MAGI3: variants seen among roughly 807,000 people sequenced by gnomAD.
The protein encoded by MAGI3 is membrane-associated guanylate kinase, WW and PDZ domain-containing protein 3.
In MAGI3, 43 loss-of-function variants were observed where a neutral mutation model predicts 121.8. That is an observed-to-expected ratio of 0.35 (90% confidence interval 0.28 to 0.46). MAGI3 has a LOEUF of 0.46. MAGI3 is among the 20% of genes least tolerant of loss of function. MAGI3 has a pLI of 1.00. For missense variants in MAGI3, 1,547 were observed against 1,797.3 expected (o/e 0.86, Z 2.52); for synonymous variants, 553 against 639.3 (o/e 0.86, Z 2.04).
chr1:113,597,659 C>T (rs766526020), intron 6 of MAGI3, among the ~76,000 whole-genome samples: 3 of 152,148 alleles, frequency 2.0e-5, no homozygotes, highest in Non-Finnish European at 4.4e-5. Flanking sequence ...AGTACACTGA[C>T]GCTCAGCAGA....
intron 20 of MAGI3, chr1:113,682,181 T>C: frequency 6.7e-7 from 1 of 1,487,800 alleles, no homozygotes; most frequent in Admixed American, 2.2e-5. Context: ...TTTTTTCACA[T>C]AGTCCTAGGC....
chr1:113,587,256 G>GGT (rs1557837974), intron 4 of MAGI3, among the ~76,000 whole-genome samples: 1 of 152,148 alleles, frequency 6.6e-6, no homozygotes, highest in Non-Finnish European at 1.5e-5. Context: ...GGAGTGCAGT[G>GGT]GTGCGATCTT....
intron 19 of MAGI3, 49 bp downstream of exon 19, chr1:113,673,514 A>T (rs1240621506): frequency 1.3e-6 from 2 of 1,555,492 alleles, no homozygotes; most frequent in African/African-American, 2.8e-5. Context: ...TAGACTAGAA[A>T]CTTCGAAAGA....
At chr1:113,393,615 A>AACAGACTT (rs765712625) in intron 1 of MAGI3, among the ~76,000 whole-genome samples, 1 of 152,216 alleles carries the variant, frequency 6.6e-6, no homozygotes, top group Non-Finnish European at 1.5e-5. Context: ...TTGCAGGTTA[A>AACAGACTT]ACAGACTTTA....
chr1:113,437,447 C>T (rs1182982114), intron 1 of MAGI3, among the ~76,000 whole-genome samples: 2 of 151,864 alleles, frequency 1.3e-5, no homozygotes, highest in Non-Finnish European at 2.9e-5. Context: ...ATCTCATTAT[C>T]TTATAAGTAA....
Position 113,619,569 on chromosome 1 carries a change from G to T in MAGI3, c.1077-167G>T, listed in dbSNP as rs4839332. The stretch of plus-strand genomic sequence containing the variant: ...GGCATCTTCTGCAGGACTTTATTTA[G>T]CAGCAGAAAGCCCCTCTGCTATCAT... On this transcript the variant is annotated intron_variant, in intron 7 of 20. Coordinates refer to ENST00000307546, the MANE Select transcript of MAGI3 (RefSeq NM_001142782.2). Among the ~76,000 whole-genome samples, 15,693 of 152,182 alleles carry T rather than the reference G, an allele frequency of 0.1. 1,035 individuals carry two copies. The highest frequency in any genetic ancestry group is 0.19 in the East Asian group (971 of 5,182).
At chr1:113,639,141 CT>C (rs1402504334) in intron 9 of MAGI3, among the ~76,000 whole-genome samples, 3 of 152,170 alleles carry the variant, frequency 2.0e-5, no homozygotes, top group South Asian at 2.1e-4. Context: ...TCTGTCACCC[CT>C]TTCTTTGACT....
At chr1:113,554,603 T>C (rs1659913115) in intron 2 of MAGI3, among the ~76,000 whole-genome samples, 1 of 151,858 alleles carries the variant, frequency 6.6e-6, no homozygotes, top group Admixed American at 6.6e-5. Flanking sequence ...TTTTCAGACA[T>C]TGAAATACAG....
rs983248945 is a variant in MAGI3 at position 113,658,929 on chromosome 1, T to C, written c.2630-151T>C. 25 of 666,990 alleles carry C rather than the reference T, an allele frequency of 3.7e-5. No homozygotes were observed. The Admixed American group carries it at 6.9e-4, about 18-fold the overall frequency. 41.3% of individuals were successfully genotyped at this position (666,990 alleles called of 1,614,324 possible). A position where few individuals can be genotyped will look rare whatever the true frequency, so the allele number is the denominator to read the frequency against. ...GTGAGAAGTATGAAAATAGTTCCGT[T>C]TGGATGCGATGATGACGTGTGGTAC... On this transcript the variant is annotated intron_variant, in intron 15 of 20. Transcript: ENST00000307546. This position sits in a 1 kb window ranked among gnomAD's most constrained non-coding sequence, Gnocchi z 4.0.
At chr1:113,503,515 A>G (rs781486817) in intron 1 of MAGI3, among the ~76,000 whole-genome samples, 1 of 151,886 alleles carries the variant, frequency 6.6e-6, no homozygotes, top group South Asian at 2.1e-4. Context: ...CAGTACGATA[A>G]TTTTTCTCTC....
chr1:113,479,196 G>A (rs1655996317), intron 1 of MAGI3, among the ~76,000 whole-genome samples: 1 of 152,196 alleles, frequency 6.6e-6, no homozygotes, highest in Non-Finnish European at 1.5e-5. Flanking sequence ...CTGATCCCTT[G>A]CGCTTCCCAG....
At chr1:113,489,703 C>T (rs2101579569) in intron 1 of MAGI3, among the ~76,000 whole-genome samples, 1 of 151,998 alleles carries the variant, frequency 6.6e-6, no homozygotes. Flanking sequence ...AAGGTTACAA[C>T]CCAACAGAGC....
intron 1 of MAGI3, chr1:113,450,150 T>A: frequency 6.7e-7 from 1 of 1,492,026 alleles, no homozygotes; most frequent in African/African-American, 1.4e-5. Flanking sequence ...CTTTTGTAAC[T>A]TTTGATGAGC....
rs1647644523 is a variant in MAGI3 at position 113,672,866 on chromosome 1, TGCCATGTGTTTGGCATTCTGCTG to T, written c.3045+128_3045+150del. 5 of 1,264,786 alleles carry T rather than the reference TGCCATGTGTTTGGCATTCTGCTG, an allele frequency of 4.0e-6. No homozygotes were observed. In the East Asian group the frequency reaches 1.2e-4, roughly 31 times the overall value. The allele number at this position is 1,264,786 out of a possible 1,614,324, so 78.3% of individuals were successfully genotyped here. ...CCAAAACTAATAATTCTCGAAGACC[TGCCATGTGTTTGGCATTCTGCTG>T]GCATTCATAGGAGAATGTTAGGAGT... is the stretch of plus-strand genomic sequence containing the variant. On this transcript the variant is annotated intron_variant, in intron 18 of 20. Coordinates refer to ENST00000307546, the MANE Select transcript of MAGI3 (RefSeq NM_001142782.2).
At position 113,594,506 on chromosome 1, in the gene MAGI3, T is replaced by A; in HGVS notation, c.964T>A (p.Leu322Met). 1 of 1,613,346 alleles carries A rather than the reference T, an allele frequency of 6.2e-7. No individual in the cohort carries two copies. The change falls in exon 6 of 21, where the codon TTG becomes ATG. Residue 322 changes from leucine to methionine, a missense_variant. Leu to Met is a conservative substitution (Grantham distance 15). Transcript: ENST00000307546. ...IDHNTKTTTWLDPRLCKKAKA... is the reference protein window; with the variant it reads ...IDHNTKTTTWMDPRLCKKAKA... The stretch of plus-strand genomic sequence containing the variant: ...CCACAATACCAAGACAACCACCTGG[T>A]TGGATCCTCGTCTTTGTAAGAAAGC...
At chr1:113,394,038 G>A (rs981749354) in intron 1 of MAGI3, among the ~76,000 whole-genome samples, 1 of 152,168 alleles carries the variant, frequency 6.6e-6, no homozygotes. Context: ...GGATGAGCTG[G>A]GTTGTAGAAC....
chr1:113,623,001 A>G lies in MAGI3; in HGVS notation c.1360+7A>G. The G allele has an allele frequency of 6.7e-7, 1 of 1,497,008 alleles. No individual in the cohort carries two copies. The highest frequency in any genetic ancestry group is 1.4e-5 in the South Asian group (1 of 69,212). The allele number at this position is 1,497,008 out of a possible 1,614,324, so 92.7% of individuals were successfully genotyped here. A position where few individuals can be genotyped will look rare whatever the true frequency, so the allele number is the denominator to read the frequency against. ...GATGGGAAAATTGCACCAGGTAAGA[A>G]ATTTTTCATAATTATTTGAAGAGTA... On this transcript the variant is annotated splice_region_variant and intron_variant, in intron 9 of 20. Transcript: ENST00000307546.
intron 1 of MAGI3, among the ~76,000 whole-genome samples, chr1:113,429,715 A>C (rs186992472): frequency 3.9e-5 from 6 of 152,278 alleles, no homozygotes; most frequent in Admixed American, 6.5e-5. Context: ...TTGCAGGAAA[A>C]GACCAGTCAG....
At chr1:113,489,175 C>CA (rs879442114) in intron 1 of MAGI3, among the ~76,000 whole-genome samples, 2 of 151,582 alleles carry the variant, frequency 1.3e-5, no homozygotes, top group African/African-American at 4.8e-5. Context: ...TTAGGCCCCC[C>CA]CCGACCCCAG....
Sources: allele counts gnomAD v4.1 joint callset (sites outside exome capture counted in the v4.1 genomes callset), GRCh38; gene constraint gnomAD v4.1.1; non-coding constraint Gnocchi (gnomAD v3.1); transcripts MANE v1.5; gene names NCBI Gene and HGNC (gene_info 2026-07-23, HGNC 2026-07-21).